Variants in PUDP observed in about 807,000 individuals in gnomAD.
PUDP encodes the protein pseudouridine 5'-phosphatase, also known as pseudouridine-5'-phosphatase.
Under a neutral mutation model 9.4 loss-of-function variants are expected in PUDP, and 8 were observed. The ratio of observed to expected loss-of-function variants is 0.85; its 90% confidence interval spans 0.50 to 1.53. The LOEUF (loss-of-function observed/expected upper bound fraction) is 1.53, where lower values mean the gene tolerates loss of function less well. Ranked by LOEUF, PUDP falls within the 40% of genes most tolerant of loss-of-function variation. The pLI is 0.00. For missense variants in PUDP, 188 were observed against 189.7 expected, an observed-to-expected ratio of 0.99 and a Z score of 0.05; for synonymous variants, 99 against 80.7, an observed-to-expected ratio of 1.23 and a Z score of -1.22.
chrX:7,066,193 G>T (rs1249200424), intron 3 of PUDP, among the ~76,000 whole-genome samples: 1 of 111,596 alleles, frequency 9.0e-6, no homozygotes. Context: ...AAAATGCACA[G>T]CTGGTCACCA....
chrX:7,046,584 G>A (rs1389019948), downstream of PUDP, among the ~76,000 whole-genome samples: 1 of 112,377 alleles, frequency 8.9e-6, no homozygotes, highest in African/African-American at 3.2e-5. Context: ...CAAACAGATA[G>A]GTATTCTTTA....
Position 6,951,142 on chromosome X carries a change from A to C in PUDP, c.*247+25991T>G, listed in dbSNP as rs749283591. On this transcript the variant is annotated intron_variant and NMD_transcript_variant, in intron 3 of 3. Transcript: ENST00000655425. Reference sequence around the variant, plus strand: ...AACCCATTTCTTATAATGAATCTCTATCTAAATATAGATATAAGTATCATG... The same window carrying C: ...AACCCATTTCTTATAATGAATCTCTCTCTAAATATAGATATAAGTATCATG... 2.7e-5 allele frequency among the ~76,000 whole-genome samples: 3 copies of C among 111,457 alleles called. No homozygotes were observed. In the South Asian group the frequency reaches 1.1e-3, roughly 42 times the overall value.
At chrX:6,823,172 G>T (rs116098369) in intron 3 of PUDP, among the ~76,000 whole-genome samples, 5,364 of 111,041 alleles carry the variant, frequency 0.048, 312 homozygotes, top group African/African-American at 0.17. Flanking sequence ...GTAAGACCTT[G>T]TCTTAAAATA....
chrX:7,023,453 G>A (rs780374413), intron 1 of PUDP, among the ~76,000 whole-genome samples: 1 of 112,100 alleles, frequency 8.9e-6, no homozygotes, highest in African/African-American at 3.2e-5. Context: ...TTTGCTTCTC[G>A]AAGTCTCGTG....
chrX:7,004,299 T>A (rs1006653399), intron 1 of PUDP, among the ~76,000 whole-genome samples: 2 of 110,424 alleles, frequency 1.8e-5, no homozygotes, highest in Non-Finnish European at 3.8e-5. Flanking sequence ...CTAAGCCTCA[T>A]TTTTTTTTGT....
intron 3 of PUDP, among the ~76,000 whole-genome samples, chrX:6,793,347 T>A (rs912530433): frequency 8.9e-6 from 1 of 111,755 alleles, no homozygotes; most frequent in African/African-American, 3.3e-5. Flanking sequence ...ATCCCCGCCA[T>A]GAGGATGGAG....
At chrX:7,005,090 G>A (rs1348309105) in intron 1 of PUDP, among the ~76,000 whole-genome samples, 17 of 111,450 alleles carry the variant, frequency 1.5e-4, no homozygotes, top group Admixed American at 1.1e-3. Context: ...AGTCTTGTGG[G>A]GGCCACTAGG....
At chrX:6,720,277 T>TATATATAC (rs1924655470) in intron 1 of PUDP, among the ~76,000 whole-genome samples, 1 of 88,885 alleles carries the variant, frequency 1.1e-5, no homozygotes, top group African/African-American at 4.3e-5. Context: ...TATATATATA[T>TATATATAC]ATATATATAT....
intron 1 of PUDP, among the ~76,000 whole-genome samples, chrX:7,112,389 G>A (rs1370895233): frequency 8.9e-6 from 1 of 111,971 alleles, no homozygotes; most frequent in East Asian, 2.8e-4. Context: ...TTATGAACCC[G>A]AGTTTGTGAC....
chrX:6,729,211 C>A (rs1924780062), intron 3 of PUDP, among the ~76,000 whole-genome samples: 2 of 111,977 alleles, frequency 1.8e-5, no homozygotes, highest in African/African-American at 6.5e-5. Context: ...TTCAAAGTCA[C>A]CCCTCTGCTC....
intron 3 of PUDP, among the ~76,000 whole-genome samples, chrX:6,939,756 T>C (rs191928614): frequency 6.0e-4 from 64 of 106,852 alleles, no homozygotes; most frequent in Middle Eastern, 4.8e-3. Flanking sequence ...GTTCCAGCTA[T>C]GAGGGAGGAT....
chrX:6,916,637 G>A (rs1434849067), intron 3 of PUDP, among the ~76,000 whole-genome samples: 1 of 111,577 alleles, frequency 9.0e-6, no homozygotes, highest in Non-Finnish European at 1.9e-5. Context: ...GGACCGTAAG[G>A]TCAATAGCCA....
At chrX:7,094,988 GACC>G (rs370013775) in intron 2 of PUDP, among the ~76,000 whole-genome samples, 6 of 111,877 alleles carry the variant, frequency 5.4e-5, no homozygotes, top group African/African-American at 1.6e-4. Context: ...CCCAAATCGA[GACC>G]ACCACCAGAA....
At chrX:7,063,866 T>C (rs1319708035) in intron 3 of PUDP, among the ~76,000 whole-genome samples, 1 of 111,390 alleles carries the variant, frequency 9.0e-6, no homozygotes, top group Non-Finnish European at 1.9e-5. Context: ...CGGGCTAGTC[T>C]TGAACTCCTG....
chrX:7,071,926 G>A (rs750202623), intron 3 of PUDP, among the ~76,000 whole-genome samples: 4 of 110,155 alleles, frequency 3.6e-5, no homozygotes, highest in East Asian at 2.9e-4. Context: ...ACAGGCAGGC[G>A]CCACCACACC....
rs141459546 is a variant in PUDP, at chrX:7,114,167, C to T, written c.62-8329G>A. Among the ~76,000 whole-genome samples, 595 of 111,418 alleles carry T rather than the reference C, an allele frequency of 5.3e-3. 3 individuals carry two copies. The highest frequency in any genetic ancestry group is 0.017 in the African/African-American group (531 of 30,631). ...TCAGCTCACTGAAACCTCTGCATCC[C>T]AGGTTCATGCAATTCTCCTGCCTCA... On this transcript the variant is annotated intron_variant, in intron 1 of 3. Coordinates refer to ENST00000381077, the MANE Select transcript of PUDP (RefSeq NM_012080.5).
At chrX:7,076,712 G>A (rs772408181) in intron 3 of PUDP, among the ~76,000 whole-genome samples, 31 of 112,163 alleles carry the variant, frequency 2.8e-4, no homozygotes, top group African/African-American at 9.7e-4. Flanking sequence ...TTCCAATGGA[G>A]AAATGGATGG....
At chrX:7,058,676 T>C (rs1361503213) in intron 3 of PUDP, among the ~76,000 whole-genome samples, 2 of 112,655 alleles carry the variant, frequency 1.8e-5, no homozygotes. Context: ...TGGATACATA[T>C]ACACTATTAG....
chrX:7,043,274 T>C (rs1929946443), intron 1 of PUDP, among the ~76,000 whole-genome samples: 2 of 111,471 alleles, frequency 1.8e-5, no homozygotes, highest in Non-Finnish European at 3.8e-5. Flanking sequence ...AGATCCCTCA[T>C]GAATGGCTTG....
Sources: allele counts gnomAD v4.1 joint callset (sites outside exome capture counted in the v4.1 genomes callset), GRCh38; gene constraint gnomAD v4.1.1; transcripts MANE v1.5; gene names NCBI Gene and HGNC (gene_info 2026-07-23, HGNC 2026-07-21).